The following SLC3A2 variants were observed in gnomAD, a reference collection of about 807,000 sequenced individuals.
The protein encoded by SLC3A2 is amino acid transporter heavy chain SLC3A2.
A neutral mutation model predicts 48.5 loss-of-function variants in SLC3A2; 32 were observed. That is an observed-to-expected ratio of 0.66 (90% CI 0.50 to 0.89). The LOEUF (loss-of-function observed/expected upper bound fraction) is 0.89, where lower values mean the gene tolerates loss of function less well. Ranked by LOEUF, SLC3A2 falls within the 40% of genes least tolerant of loss-of-function variation. SLC3A2 has a pLI of 0.00. For synonymous variants in SLC3A2, 277 were observed against 288.8 expected, an observed-to-expected ratio of 0.96 and a Z score of 0.41; for missense variants, 587 against 680.7, an observed-to-expected ratio of 0.86 and a Z score of 1.53.
At chr11:62,861,578 C>G (rs905556035) in intron 1 of SLC3A2, among the ~76,000 whole-genome samples, 3 of 152,180 alleles carry the variant, frequency 2.0e-5, no homozygotes, top group African/African-American at 7.2e-5. Flanking sequence ...TTCTTCCCTT[C>G]TAGTTCATTC....
At chr11:62,861,910 CAAAAAAAAA>C (rs1189861840) in intron 1 of SLC3A2, among the ~76,000 whole-genome samples, 14 of 59,166 alleles carry the variant, frequency 2.4e-4, no homozygotes, top group Non-Finnish European at 4.7e-4. Flanking sequence ...AAACCTCTCT[CAAAAAAAAA>C]AAAAAAAAAA....
At chr11:62,863,614 C>G (rs1198599399) in intron 1 of SLC3A2, among the ~76,000 whole-genome samples, 1 of 152,196 alleles carries the variant, frequency 6.6e-6, no homozygotes, top group Non-Finnish European at 1.5e-5. Flanking sequence ...GGGCTACCTG[C>G]TCATGCAATG....
Position 62,888,777 on chromosome 11 carries a change from A to G in SLC3A2, c.*84A>G, listed in dbSNP as rs1256788721. 7.5e-7 allele frequency: 1 copy of G among 1,327,106 alleles called. No homozygotes were observed. Among genetic ancestry groups the G allele is most frequent in the African/African-American group, 1.5e-5 (1 of 67,894 alleles). The allele number at this position is 1,327,106 out of a possible 1,614,324, so 82.2% of individuals were successfully genotyped here. On this transcript the variant is annotated 3_prime_UTR_variant, in exon 9 of 9. Transcript: ENST00000338663. ...TGATTTTTCTCTTTTTTAAAAACAAACAAACAAACTGTTGCAGATTATGAG... is the reference window on the plus strand; with the variant it reads ...TGATTTTTCTCTTTTTTAAAAACAAGCAAACAAACTGTTGCAGATTATGAG...
At chr11:62,870,595 A>T (rs536559512) in intron 1 of SLC3A2, 1 of 151,958 alleles carries the variant, frequency 6.6e-6, no homozygotes. Context: ...TGATTATATT[A>T]TCTCTGTCGT....
intron 1 of SLC3A2, among the ~76,000 whole-genome samples, chr11:62,858,158 A>T (rs1590612356): frequency 6.6e-6 from 1 of 152,178 alleles, no homozygotes; most frequent in East Asian, 1.9e-4. Flanking sequence ...AGGCAAGAGG[A>T]TTCAATGCTA....
At chr11:62,858,931 G>A (rs1348787846) in intron 1 of SLC3A2, among the ~76,000 whole-genome samples, 11 of 152,228 alleles carry the variant, frequency 7.2e-5, no homozygotes, top group Admixed American at 1.3e-4. Context: ...CTCAGTAGAT[G>A]GAACGTACAA....
upstream of SLC3A2, chr11:62,880,754 A>G: frequency 2.0e-6 from 1 of 501,762 alleles, no homozygotes; most frequent in Non-Finnish European, 3.5e-6. Context: ...TGGACCATGC[A>G]GGAAGTACTG....
chr11:62,885,552 CCT>C lies in SLC3A2; in HGVS notation c.1088_1089del (p.Pro363ArgfsTer7), dbSNP rs747814712. The C allele has an allele frequency of 6.2e-7, 1 of 1,614,156 alleles. No homozygotes were observed. Among genetic ancestry groups the C allele is most frequent in the Non-Finnish European group, 8.5e-7 (1 of 1,180,024 alleles). On this transcript the variant is annotated frameshift_variant, in exon 7 of 9. Coordinates refer to ENST00000338663, the MANE Select transcript of SLC3A2 (RefSeq NM_001013251.3). LOFTEE classifies it high-confidence loss of function. Reference protein sequence around the residue: ...QLMLFTLPGTPVFSYGDEIGL... With the variant: ...QLMLFTLPGTXVFSYGDEIGL... Reference sequence around the variant, plus strand: ...GATGCTCTTCACCCTGCCAGGGACCCCTGTTTTCAGCTACGGGGATGAGATTG... The same window carrying C: ...GATGCTCTTCACCCTGCCAGGGACCCGTTTTCAGCTACGGGGATGAGATTG...
intron 1 of SLC3A2, among the ~76,000 whole-genome samples, chr11:62,873,270 T>C (rs1389106609): frequency 6.6e-6 from 1 of 151,858 alleles, no homozygotes; most frequent in African/African-American, 2.4e-5. Flanking sequence ...GGGCAGATCA[T>C]GAGGTCAGGA....
chr11:62,888,235 G>A lies in SLC3A2; in HGVS notation c.1227+17G>A, dbSNP rs542651367. On this transcript the variant is annotated intron_variant, in intron 8 of 8. Transcript: ENST00000338663. ...ACTGTGAAGGTAAGAGTTCTAGATG[G>A]GTAGAAACTGACCGGTGGAGGGTGG... 1.1e-5 allele frequency: 17 copies of A among 1,612,904 alleles called. No individual in the cohort carries two copies. Among genetic ancestry groups the A allele is most frequent in the Non-Finnish European group, 1.4e-5 (17 of 1,179,032 alleles).
rs1372447111 is a variant in SLC3A2 at position 62,882,006 on chromosome 11, G to T, written c.538G>T (p.Asp180Tyr). The T allele has an allele frequency of 6.2e-7, 1 of 1,614,162 alleles. No individual in the cohort carries two copies. Among genetic ancestry groups the T allele is most frequent in the South Asian group, 1.1e-5 (1 of 91,078 alleles). Reference sequence around the variant, plus strand: ...CGCTCAGACTGACTTGCTGCAGATCGACCCCAATTTTGGCTCCAAGGAAGA... The same window carrying T: ...CGCTCAGACTGACTTGCTGCAGATCTACCCCAATTTTGGCTCCAAGGAAGA... ...DVAQTDLLQI[D>Y]PNFGSKEDFD... The change falls in exon 2 of 9, where the codon GAC becomes TAC. Residue 180 changes from aspartate (D) to tyrosine (Y), a missense_variant. Asp to Tyr is a radical substitution (Grantham distance 160). Coordinates refer to ENST00000338663, the MANE Select transcript of SLC3A2 (RefSeq NM_001013251.3).
In SLC3A2 at chr11:62,884,540, C is replaced by T; in HGVS notation, c.759+15C>T. 1 of 1,614,156 alleles carries T rather than the reference C, an allele frequency of 6.2e-7. No homozygotes were observed. The highest frequency in any genetic ancestry group is 8.5e-7 in the Non-Finnish European group (1 of 1,179,998). On this transcript the variant is annotated intron_variant, in intron 4 of 8. Transcript: ENST00000338663. Reference sequence around the variant, plus strand: ...AGAATCTGAAGGTGAGTTCCCTTTCCACATTAGGGACAAAGCTTGGGCGAG... The same window carrying T: ...AGAATCTGAAGGTGAGTTCCCTTTCTACATTAGGGACAAAGCTTGGGCGAG...
intron 1 of SLC3A2, among the ~76,000 whole-genome samples, chr11:62,860,252 A>T (rs796986256): frequency 7.9e-5 from 12 of 152,280 alleles, no homozygotes; most frequent in African/African-American, 2.6e-4. Flanking sequence ...CTGTAATCCC[A>T]GCACTTTGGG....
chr11:62,870,603 C>G (rs185790134), intron 1 of SLC3A2: 1 of 151,902 alleles, frequency 6.6e-6, no homozygotes, highest in African/African-American at 2.4e-5. Flanking sequence ...TTATCTCTGT[C>G]GTATATTGTT....
intron 5 of SLC3A2, among the ~76,000 whole-genome samples, chr11:62,884,951 C>T (rs2085690037): frequency 6.7e-6 from 1 of 149,776 alleles, no homozygotes; most frequent in Non-Finnish European, 1.5e-5. Flanking sequence ...CCTGCCTCAG[C>T]ATCCCAAGTA....
chr11:62,856,223 C>T (rs1366214232), exon 1 of SLC3A2: 2 of 1,490,532 alleles, frequency 1.3e-6, no homozygotes, highest in Non-Finnish European at 1.9e-6. Context: ...CTGTTCTGAG[C>T]TGCCCCTTGC....
At chr11:62,880,268 A>G (rs2085615312), upstream of SLC3A2, among the ~76,000 whole-genome samples, 1 of 152,268 alleles carries the variant, frequency 6.6e-6, no homozygotes. Context: ...TTAACAAAGC[A>G]AAGTATTGTA....
chr11:62,874,189 A>C (rs2085547719), intron 1 of SLC3A2, among the ~76,000 whole-genome samples: 1 of 151,922 alleles, frequency 6.6e-6, no homozygotes, highest in Non-Finnish European at 1.5e-5. Flanking sequence ...TCATGACTGC[A>C]GAAATAGCTG....
chr11:62,885,460 T>G lies in SLC3A2; in HGVS notation c.1000-5T>G. 1 of 1,614,194 alleles carries G rather than the reference T, an allele frequency of 6.2e-7. No individual in the cohort carries two copies. The highest frequency in any genetic ancestry group is 2.2e-5 in the East Asian group (1 of 44,876). Reference sequence around the variant, plus strand: ...TGGGGCTCACTGGAGTGTCTCTCCCTGTAGTTGTCTCAGGCAAGGCTCCTG... The same window carrying G: ...TGGGGCTCACTGGAGTGTCTCTCCCGGTAGTTGTCTCAGGCAAGGCTCCTG... On this transcript the variant is annotated splice_region_variant and splice_polypyrimidine_tract_variant and intron_variant, in intron 6 of 8. Coordinates refer to ENST00000338663, the MANE Select transcript of SLC3A2 (RefSeq NM_001013251.3).
Sources: allele counts gnomAD v4.1 joint callset (sites outside exome capture counted in the v4.1 genomes callset), GRCh38; gene constraint gnomAD v4.1.1; transcripts MANE v1.5; gene names NCBI Gene and HGNC (gene_info 2026-07-23, HGNC 2026-07-21).